SGK3: variants seen among roughly 807,000 people sequenced by gnomAD.
SGK3 encodes serum/glucocorticoid regulated kinase family member 3, also known as serine/threonine-protein kinase Sgk3.
A neutral mutation model predicts 68.5 loss-of-function variants in SGK3; 47 were observed. The ratio of observed to expected loss-of-function variants is 0.69; its 90% CI spans 0.54 to 0.87. The LOEUF (loss-of-function observed/expected upper bound fraction) is 0.87. Ranked by LOEUF, SGK3 falls within the 40% of genes least tolerant of loss-of-function variation. The probability of loss-of-function intolerance (pLI) is 0.00; values close to 1 mark genes in which losing one functional copy is unlikely to be tolerated. For synonymous variants in SGK3, 181 were observed against 189.1 expected (o/e 0.96, Z 0.35); for missense variants, 479 against 575.5 (o/e 0.83, Z 1.72).
chr8:66,742,133 A>G (rs1316241974), intron 1 of SGK3, among the ~76,000 whole-genome samples: 3 of 152,246 alleles, frequency 2.0e-5, no homozygotes, highest in African/African-American at 4.8e-5. Context: ...GCTGAATCTT[A>G]GGTACAAAGA....
chr8:66,775,547 T>A (rs1806670952), intron 1 of SGK3: 1 of 152,290 alleles, frequency 6.6e-6, no homozygotes, highest in Non-Finnish European at 1.5e-5. Flanking sequence ...GTGCTGCGAC[T>A]TCGCGGCACT....
intron 1 of SGK3, among the ~76,000 whole-genome samples, chr8:66,760,052 A>G (rs1806107911): frequency 1.3e-5 from 2 of 152,092 alleles, no homozygotes. Context: ...AATTTCTTTA[A>G]TTAGTCATTT....
intron 1 of SGK3, among the ~76,000 whole-genome samples, chr8:66,719,311 C>A (rs1030875213): frequency 2.8e-5 from 4 of 142,934 alleles, no homozygotes; most frequent in African/African-American, 1.1e-4. Context: ...TTTGTTTTTT[C>A]TTTTATTTGT....
chr8:66,834,519 A>G (rs1461386037), intron 8 of SGK3, among the ~76,000 whole-genome samples: 1 of 152,074 alleles, frequency 6.6e-6, no homozygotes, highest in African/African-American at 2.4e-5. Flanking sequence ...CATACTGGTT[A>G]CATAGGTGTA....
At chr8:66,773,765 T>C (rs1806591914) in intron 1 of SGK3, among the ~76,000 whole-genome samples, 1 of 152,046 alleles carries the variant, frequency 6.6e-6, no homozygotes, top group African/African-American at 2.4e-5. Flanking sequence ...AGGCTTCACA[T>C]TGAGGGTAGA....
chr8:66,844,424 A>G lies in SGK3; in HGVS notation c.1074+877A>G, dbSNP rs376326974. On this transcript the variant is annotated intron_variant, in intron 14 of 16. Transcript: ENST00000521198. ...TTGCCCAGTTCTTATTTAGTTAAAGACACATAGGCTGGCCAGAGCTTCTGA... is the reference window on the plus strand; with the variant it reads ...TTGCCCAGTTCTTATTTAGTTAAAGGCACATAGGCTGGCCAGAGCTTCTGA... 1.2e-4 allele frequency among the ~76,000 whole-genome samples: 19 copies of G among 152,344 alleles called. No homozygotes were observed. The East Asian group carries it at 3.7e-3, about 29-fold the overall frequency.
rs1563592095 is a variant in SGK3, at chr8:66,717,216, AAAC to A, written c.-122+4386_-122+4388del. On this transcript the variant is annotated intron_variant, in intron 1 of 16. Transcript: ENST00000521198. The stretch of plus-strand genomic sequence containing the variant: ...GTGAAACTCTTTATCTGAAAAAAAA[AAAC>A]AAAAAAAACAAAAAAAACAAAAAAA... 2.0e-4 allele frequency among the ~76,000 whole-genome samples: 27 copies of A among 132,160 alleles called. 1 individual carries two copies. Among genetic ancestry groups the A allele is most frequent in the African/African-American group, 9.5e-4 (26 of 27,354 alleles). 86.7% of individuals were successfully genotyped at this position (132,160 alleles called of 152,430 possible).
chr8:66,840,052 G>A lies in SGK3; in HGVS notation c.791G>A (p.Arg264Lys), dbSNP rs868465468. The change falls in exon 11 of 17, where the codon AGG (arginine) becomes AAG (lysine). Residue 264 changes from arginine to lysine, a missense_variant. This residue lies in a region of SGK3 where 298 missense variants were observed against 329.4 expected (regional missense o/e 0.90). Coordinates refer to ENST00000521198, the MANE Select transcript of SGK3 (RefSeq NM_001033578.3). ...RERSFPEHRA[R>K]FYAAEIASAL... Reference sequence around the variant, plus strand: ...CGGTCCTTTCCTGAGCACAGAGCTAGGTTTTACGCTGCTGAAATTGCTAGT... The same window carrying A: ...CGGTCCTTTCCTGAGCACAGAGCTAAGTTTTACGCTGCTGAAATTGCTAGT... The A allele has an allele frequency of 1.2e-6, 2 of 1,613,790 alleles. No individual in the cohort carries two copies. The highest frequency in any genetic ancestry group is 1.7e-6 in the Non-Finnish European group (2 of 1,179,946).
intron 1 of SGK3, among the ~76,000 whole-genome samples, chr8:66,774,596 C>T (rs1806621511): frequency 6.6e-6 from 1 of 152,124 alleles, no homozygotes; most frequent in South Asian, 2.1e-4. Flanking sequence ...ACACTACGGA[C>T]ATTCATGCCA....
intron 4 of SGK3, among the ~76,000 whole-genome samples, chr8:66,811,928 T>G (rs961462256): frequency 1.3e-5 from 2 of 151,988 alleles, no homozygotes; most frequent in Non-Finnish European, 2.9e-5. Flanking sequence ...CTTGGAAGAG[T>G]TTAATGAGAT....
intron 1 of SGK3, among the ~76,000 whole-genome samples, chr8:66,726,801 T>TAAAAAAAAAAAAAAAAAAAAAAAAA (rs560794837): frequency 2.7e-4 from 22 of 80,976 alleles, no homozygotes; most frequent in African/African-American, 5.8e-4. Flanking sequence ...ACCCTGTCTG[T>TAAAAAAAAAAAAAAAAAAAAAAAAA]AAAAAAAAAA....
intron 14 of SGK3, 64 bp downstream of exon 14, chr8:66,843,611 T>A: frequency 6.6e-7 from 1 of 1,519,126 alleles, no homozygotes; most frequent in East Asian, 2.3e-5. Context: ...TGTCTGTCTC[T>A]CCCACCTTAA....
Position 66,719,376 on chromosome 8 carries a change from G to A in SGK3, c.-122+6543G>A, listed in dbSNP as rs565491342. ...GGGTTTTAGTCTATCTCCCAGGCTGGAATGCAGTGGCACGACTGTGACTCA... is the reference window on the plus strand; with the variant it reads ...GGGTTTTAGTCTATCTCCCAGGCTGAAATGCAGTGGCACGACTGTGACTCA... On this transcript the variant is annotated intron_variant, in intron 1 of 16. Coordinates refer to ENST00000521198, the MANE Select transcript of SGK3 (RefSeq NM_001033578.3). 3.3e-5 allele frequency among the ~76,000 whole-genome samples: 5 copies of A among 152,118 alleles called. No homozygotes were observed. The East Asian group carries it at 9.6e-4, about 29-fold the overall frequency.
chr8:66,744,499 A>G (rs1366905874), intron 1 of SGK3, among the ~76,000 whole-genome samples: 1 of 19,940 alleles, frequency 5.0e-5, no homozygotes, highest in African/African-American at 2.3e-4. Context: ...ATATATATAT[A>G]TATATATATA....
intron 6 of SGK3, among the ~76,000 whole-genome samples, chr8:66,826,392 AG>A: frequency 6.6e-6 from 1 of 152,160 alleles, no homozygotes; most frequent in East Asian, 1.9e-4. Flanking sequence ...TAAGAGTCTA[AG>A]GAACACTGAA....
At chr8:66,804,285 T>A in intron 3 of SGK3, 90 bp from the exon 4 acceptor site, 1 of 1,140,882 alleles carries the variant, frequency 8.8e-7, no homozygotes, top group Non-Finnish European at 1.2e-6. Flanking sequence ...ATGGATTTTC[T>A]TTAAAATAAG....
At chr8:66,756,409 T>A (rs1243847749) in intron 1 of SGK3, among the ~76,000 whole-genome samples, 1 of 152,056 alleles carries the variant, frequency 6.6e-6, no homozygotes, top group Admixed American at 6.6e-5. Flanking sequence ...GAGGGTTATG[T>A]GGGCTGGTTT....
At chr8:66,735,450 C>A (rs1197958326) in intron 1 of SGK3, among the ~76,000 whole-genome samples, 1 of 152,134 alleles carries the variant, frequency 6.6e-6, no homozygotes, top group African/African-American at 2.4e-5. Context: ...TCTTCTCATG[C>A]GCTTTTAATG....
intron 4 of SGK3, among the ~76,000 whole-genome samples, chr8:66,808,930 C>T (rs1193066127): frequency 6.6e-6 from 1 of 151,930 alleles, no homozygotes; most frequent in African/African-American, 2.4e-5. Flanking sequence ...AGTGCAGTGG[C>T]GTGATCTCGG....
Sources: gnomAD v4.1 joint callset for allele counts (sites outside exome capture counted in the v4.1 genomes callset) on GRCh38, gnomAD v4.1.1 for gene constraint, gnomAD v4.1.1 regional missense constraint, MANE v1.5 for transcripts, NCBI Gene and HGNC (gene_info 2026-07-23, HGNC 2026-07-21) for gene names.